The following SCGB2B2 variants were observed in gnomAD, a reference collection of about 807,000 sequenced individuals.
SCGB2B2 encodes secretoglobin-like protein.
Under a neutral mutation model 7.6 loss-of-function variants are expected in SCGB2B2, and 11 were observed. That is an observed-to-expected ratio of 1.45 (90% CI 0.91 to 2.40). SCGB2B2 has a LOEUF of 2.40. Ranked by LOEUF, SCGB2B2 falls within the 30% of genes most tolerant of loss-of-function variation. The probability of loss-of-function intolerance (pLI) is 0.00; values close to 1 mark genes in which losing one functional copy is unlikely to be tolerated. For missense variants in SCGB2B2, 104 were observed against 115.4 expected (o/e 0.90, Z 0.45); for synonymous variants, 50 against 48.6 (o/e 1.03, Z -0.12).
intron 1 of SCGB2B2, among the ~76,000 whole-genome samples, chr19:34,637,429 G>A (rs188211271): frequency 3.3e-4 from 51 of 152,262 alleles, no homozygotes; most frequent in Middle Eastern, 3.4e-3. Flanking sequence ...GGAAAAAAGC[G>A]GAAGCAAAGA....
intron 1 of SCGB2B2, among the ~76,000 whole-genome samples, chr19:34,663,475 TA>T (rs1030828689): frequency 1.3e-5 from 2 of 152,166 alleles, no homozygotes; most frequent in African/African-American, 4.8e-5. Flanking sequence ...ACTACGGCCA[TA>T]AAAATTATAA....
chr19:34,660,773 G>A (rs1400556952), intron 1 of SCGB2B2, among the ~76,000 whole-genome samples: 1 of 151,990 alleles, frequency 6.6e-6, no homozygotes, highest in African/African-American at 2.4e-5. Flanking sequence ...CCCTTTACTG[G>A]GTATATACCC....
intron 1 of SCGB2B2, among the ~76,000 whole-genome samples, chr19:34,654,901 AC>A (rs1455856779): frequency 6.6e-6 from 1 of 151,352 alleles, no homozygotes; most frequent in South Asian, 2.1e-4. Flanking sequence ...CTGCAATGCC[AC>A]GGTCTCCCTG....
rs536266046 is a variant in SCGB2B2, at chr19:34,675,623, G to A, written c.-2032+7C>T. The A allele has an allele frequency of 4.6e-5, 7 of 152,512 alleles. No homozygotes were observed. The East Asian group carries it at 1.2e-3, about 25-fold the overall frequency. The allele number at this position is 152,512 out of a possible 1,614,324, so 9.4% of individuals were successfully genotyped here. ...CCCACCAAAATCAAGATGGCGAGGA[G>A]ACTGACCTTTGGTGTCCTCACTGCT... On this transcript the variant is annotated splice_region_variant and intron_variant, in intron 1 of 3. Transcript: ENST00000601241.
intron 1 of SCGB2B2, among the ~76,000 whole-genome samples, chr19:34,606,083 T>A (rs9304856): frequency 0.32 from 48,099 of 151,710 alleles, 8,408 homozygotes; most frequent in Middle Eastern, 0.47. Context: ...TAAAATTTTT[T>A]AAAAAAATTT....
rs550654362 is a variant in SCGB2B2, at chr19:34,630,351, T to C, written c.-2031-33757A>G. ...AACCTACAAAATGGGAGAAAATTTT[T>C]GCAATCTACTCATCTGACAAAGGGC... On this transcript the variant is annotated intron_variant, in intron 1 of 3. Coordinates refer to ENST00000601241, the MANE Select transcript of SCGB2B2 (RefSeq NM_001025591.4). Among the ~76,000 whole-genome samples, 24 of 151,860 alleles carry C rather than the reference T, an allele frequency of 1.6e-4. 2 individuals carry two copies. The highest frequency in any genetic ancestry group is 3.2e-4 in the Non-Finnish European group (22 of 67,910).
At chr19:34,664,497 G>A (rs1451632231) in intron 1 of SCGB2B2, among the ~76,000 whole-genome samples, 1 of 152,228 alleles carries the variant, frequency 6.6e-6, no homozygotes, top group Non-Finnish European at 1.5e-5. Context: ...AAGGCCAGGT[G>A]CCTGTGCCTT....
intron 1 of SCGB2B2, among the ~76,000 whole-genome samples, chr19:34,612,771 T>C (rs1568431671): frequency 1.3e-5 from 2 of 152,218 alleles, no homozygotes. Flanking sequence ...TCCCCAACTG[T>C]AATTGTATTG....
At position 34,635,437 on chromosome 19, in the gene SCGB2B2, G is replaced by A. The variant is rs543401422; in HGVS notation, c.-2031-38843C>T. 4.6e-5 allele frequency: 14 copies of A among 307,198 alleles called. No homozygotes were observed. In the East Asian group the frequency reaches 1.3e-3, roughly 28 times the overall value. 19.0% of individuals were successfully genotyped at this position (307,198 alleles called of 1,614,324 possible). A position where few individuals can be genotyped will look rare whatever the true frequency, so the allele number is the denominator to read the frequency against. The stretch of plus-strand genomic sequence containing the variant: ...TTTCCACATTCACTGCACCCATAAG[G>A]CCTCTCTCCAGCGTGAACTTTCTTG... On this transcript the variant is annotated intron_variant, in intron 1 of 3. Coordinates refer to ENST00000601241, the MANE Select transcript of SCGB2B2 (RefSeq NM_001025591.4).
In SCGB2B2 at chr19:34,591,515, G is replaced by A. The variant is rs2065296985; in HGVS notation, c.*2040C>T. On this transcript the variant is annotated 3_prime_UTR_variant, in exon 4 of 4. Coordinates refer to ENST00000601241, the MANE Select transcript of SCGB2B2 (RefSeq NM_001025591.4). ...CGCCCCCGTTGCTCTATTCCAACAG[G>A]GAAAGTGTGACCTCGTAAGTCCTGC... 6.6e-6 allele frequency among the ~76,000 whole-genome samples: 1 copy of A among 152,166 alleles called. No individual in the cohort carries two copies. Among genetic ancestry groups the A allele is most frequent in the Admixed American group, 6.5e-5 (1 of 15,284 alleles).
At chr19:34,648,588 T>C (rs2067081899) in intron 1 of SCGB2B2, among the ~76,000 whole-genome samples, 2 of 151,968 alleles carry the variant, frequency 1.3e-5, no homozygotes, top group Non-Finnish European at 2.9e-5. Flanking sequence ...ACATATTTAT[T>C]GCCAAGCTAT....
chr19:34,656,140 A>C (rs1354135509), intron 1 of SCGB2B2, among the ~76,000 whole-genome samples: 1 of 151,346 alleles, frequency 6.6e-6, no homozygotes, highest in Non-Finnish European at 1.5e-5. Context: ...CATATAAAGA[A>C]AACTATATGC....
chr19:34,645,525 GACACACACAGACACAGACACACACACAC>G (rs1248333778), intron 1 of SCGB2B2: 25 of 140,088 alleles, frequency 1.8e-4, no homozygotes, highest in African/African-American at 6.3e-4. Context: ...GACACACACA[GACACACACAGACACAGACACACACACAC>G]ACACACACAC....
chr19:34,674,751 C>T (rs1007381062), intron 1 of SCGB2B2, among the ~76,000 whole-genome samples: 11 of 152,142 alleles, frequency 7.2e-5, no homozygotes, highest in African/African-American at 2.7e-4. Context: ...AGAGATGACA[C>T]ATCACAGATT....
chr19:34,617,587 T>C (rs1160871047), intron 1 of SCGB2B2, among the ~76,000 whole-genome samples: 1 of 152,090 alleles, frequency 6.6e-6, no homozygotes, highest in Non-Finnish European at 1.5e-5. Context: ...GATTTTGGGC[T>C]GAGACAATGG....
intron 1 of SCGB2B2, among the ~76,000 whole-genome samples, chr19:34,624,458 ATTC>A (rs2066315901): frequency 6.6e-6 from 1 of 152,196 alleles, no homozygotes. Context: ...AGAAGCAGCA[ATTC>A]TTAGAGTTAC....
At chr19:34,608,547 C>A (rs937063741) in intron 1 of SCGB2B2, 2 of 150,930 alleles carry the variant, frequency 1.3e-5, no homozygotes, top group Non-Finnish European at 2.9e-5. Flanking sequence ...TGAGAACATG[C>A]AGCATTTATC....
chr19:34,613,001 T>G lies in SCGB2B2; in HGVS notation c.-2031-16407A>C, dbSNP rs558719727. ...ATGACCTTCTTTGTCTCTTATAGTTTTATGTTAAAATCTACATTATCAGAT... is the reference window on the plus strand; with the variant it reads ...ATGACCTTCTTTGTCTCTTATAGTTGTATGTTAAAATCTACATTATCAGAT... On this transcript the variant is annotated intron_variant, in intron 1 of 3. Coordinates refer to ENST00000601241, the MANE Select transcript of SCGB2B2 (RefSeq NM_001025591.4). 2.0e-5 allele frequency among the ~76,000 whole-genome samples: 3 copies of G among 152,356 alleles called. No individual in the cohort carries two copies. In the East Asian group the frequency reaches 5.8e-4, roughly 29 times the overall value.
intron 1 of SCGB2B2, among the ~76,000 whole-genome samples, chr19:34,650,039 A>G (rs1443329104): frequency 6.6e-6 from 1 of 151,194 alleles, no homozygotes; most frequent in Non-Finnish European, 1.5e-5. Context: ...CCGGGGCGTA[A>G]ATGCCCTATG....
Sources: gnomAD v4.1 joint callset for allele counts (sites outside exome capture counted in the v4.1 genomes callset) on GRCh38, gnomAD v4.1.1 for gene constraint, MANE v1.5 for transcripts, NCBI Gene and HGNC (gene_info 2026-07-23, HGNC 2026-07-21) for gene names.